The following POU6F2 variants were observed in gnomAD, a reference collection of about 807,000 sequenced individuals.
The protein encoded by POU6F2 is POU domain, class 6, transcription factor 2.
POU6F2 carries 31 observed loss-of-function variants against 71.3 expected under a neutral mutation model. The observed-to-expected ratio is 0.43, with a 90% CI of 0.33 to 0.59. The LOEUF (loss-of-function observed/expected upper bound fraction) is 0.59, where lower values mean the gene tolerates loss of function less well. Ranked by LOEUF, POU6F2 falls within the 20% of genes least tolerant of loss-of-function variation. The pLI, the probability that POU6F2 is intolerant of heterozygous loss-of-function variation, is 0.04. For missense variants in POU6F2, 783 were observed against 856.8 expected, an observed-to-expected ratio of 0.91 and a Z score of 1.07; for synonymous variants, 347 against 355.7, an observed-to-expected ratio of 0.98 and a Z score of 0.27.
intron 1 of POU6F2, among the ~76,000 whole-genome samples, chr7:39,029,493 AG>A (rs967051420): frequency 1.9e-3 from 173 of 89,644 alleles, no homozygotes; most frequent in Middle Eastern, 5.8e-3. Context: ...CATTTCTGGG[AG>A]GGGGGGGTGG....
chr7:39,231,285 G>A (rs1192798216), intron 4 of POU6F2, among the ~76,000 whole-genome samples: 1 of 152,116 alleles, frequency 6.6e-6, no homozygotes, highest in Non-Finnish European at 1.5e-5. Flanking sequence ...AATTATTTCA[G>A]TATTCTTCAC....
intron 5 of POU6F2, among the ~76,000 whole-genome samples, chr7:39,366,914 G>A (rs1435449661): frequency 1.3e-5 from 2 of 152,078 alleles, no homozygotes; most frequent in African/African-American, 4.8e-5. Context: ...AGATGTCAGG[G>A]CTTACTTCCG....
intron 4 of POU6F2, among the ~76,000 whole-genome samples, chr7:39,302,707 A>G (rs1434847665): frequency 6.6e-6 from 1 of 152,266 alleles, no homozygotes; most frequent in Non-Finnish European, 1.5e-5. Context: ...ATTACTTCTT[A>G]GATAAGCAAT....
chr7:39,354,027 G>A (rs1336190860), intron 5 of POU6F2, among the ~76,000 whole-genome samples: 1 of 152,014 alleles, frequency 6.6e-6, no homozygotes, highest in Non-Finnish European at 1.5e-5. Context: ...ACACCCGCCC[G>A]CTCCAGGCGG....
At chr7:39,245,114 A>G (rs934142990) in intron 4 of POU6F2, among the ~76,000 whole-genome samples, 2 of 152,210 alleles carry the variant, frequency 1.3e-5, no homozygotes, top group Non-Finnish European at 1.5e-5. Context: ...TGAGTGAGTT[A>G]CCATCAAGCA....
At chr7:39,070,258 T>C (rs1790849492) in intron 1 of POU6F2, among the ~76,000 whole-genome samples, 1 of 152,222 alleles carries the variant, frequency 6.6e-6, no homozygotes, top group African/African-American at 2.4e-5. Context: ...ATATGGGTTA[T>C]TGAATTTTTT....
At chr7:39,259,575 T>C (rs1393102513) in intron 4 of POU6F2, among the ~76,000 whole-genome samples, 1 of 152,150 alleles carries the variant, frequency 6.6e-6, no homozygotes, top group East Asian at 1.9e-4. Context: ...AGGGCCGTGT[T>C]GCCCTCCTGG....
At position 39,460,689 on chromosome 7, in the gene POU6F2, C is replaced by T. The variant is rs774680072; in HGVS notation, c.1632C>T (p.Pro544=). The T allele has an allele frequency of 3.2e-5, 52 of 1,605,140 alleles. No individual in the cohort carries two copies. The East Asian group carries it at 3.8e-4, about 12-fold the overall frequency. ...AGGCTCTCAGTGCTACAGAGGGCCC[C>T]GCGTACAGCCAGTCGGCCATCTGCA... ...VGQALSATEG[P]AYSQSAICRH... The change falls in exon 9 of 10, where the codon CCC becomes CCT. Residue 544 remains proline (P), a synonymous_variant. Transcript: ENST00000518318. The surrounding 1 kb of genome is among the most constrained non-coding windows in gnomAD (Gnocchi z 4.4).
At chr7:39,035,847 C>T (rs1202092532) in intron 1 of POU6F2, among the ~76,000 whole-genome samples, 1 of 152,040 alleles carries the variant, frequency 6.6e-6, no homozygotes, top group African/African-American at 2.4e-5. Context: ...TTGAAATCAC[C>T]AGTGACCCGT....
Position 39,390,920 on chromosome 7 carries a change from G to A in POU6F2, c.973-15680G>A, listed in dbSNP as rs558952661. Among the ~76,000 whole-genome samples the A allele has an allele frequency of 3.5e-3, 537 of 151,988 alleles. 4 individuals carry two copies. The highest frequency in any genetic ancestry group is 5.2e-3 in the Admixed American group (80 of 15,280). ...CCTGACATGCATTATAAATCACCAA[G>A]AGGTAGATGCTTCATGCAGTGTTCC... On this transcript the variant is annotated intron_variant, in intron 5 of 9. Coordinates refer to ENST00000518318, the MANE Select transcript of POU6F2 (RefSeq NM_001370959.1).
intron 5 of POU6F2, among the ~76,000 whole-genome samples, chr7:39,382,238 A>G (rs1786843521): frequency 1.3e-5 from 2 of 152,196 alleles, no homozygotes; most frequent in Admixed American, 6.5e-5. Flanking sequence ...AGACCCAAGG[A>G]CACCTGAGAC....
At chr7:39,399,849 C>G (rs1583574633) in intron 5 of POU6F2, among the ~76,000 whole-genome samples, 1 of 135,606 alleles carries the variant, frequency 7.4e-6, no homozygotes, top group Non-Finnish European at 1.6e-5. Context: ...GACCCTGTCT[C>G]AAGAATGTAA....
chr7:39,107,021 T>G (rs1237687388), intron 2 of POU6F2, among the ~76,000 whole-genome samples: 3 of 151,474 alleles, frequency 2.0e-5, no homozygotes, highest in South Asian at 4.2e-4. Context: ...AATCCACCTT[T>G]TTTCTTTTTC....
At chr7:39,257,080 A>G (rs906194178) in intron 4 of POU6F2, among the ~76,000 whole-genome samples, 2 of 152,156 alleles carry the variant, frequency 1.3e-5, no homozygotes, top group Admixed American at 1.3e-4. Context: ...CAACCCTCTC[A>G]ATGGAAGGTT....
At chr7:39,349,399 G>A (rs1026079669) in intron 5 of POU6F2, among the ~76,000 whole-genome samples, 10 of 152,008 alleles carry the variant, frequency 6.6e-5, no homozygotes, top group Admixed American at 2.0e-4. Context: ...TGAGAATCAC[G>A]GCCAGGGTGC....
chr7:39,429,444 C>T (rs1788045648), intron 6 of POU6F2, among the ~76,000 whole-genome samples: 2 of 152,170 alleles, frequency 1.3e-5, no homozygotes, highest in Admixed American at 6.5e-5. Flanking sequence ...CTTGCTAACT[C>T]ATTTGGTGCT....
intron 2 of POU6F2, among the ~76,000 whole-genome samples, chr7:39,197,373 G>C (rs1352346229): frequency 1.3e-5 from 2 of 152,266 alleles, no homozygotes; most frequent in Non-Finnish European, 2.9e-5. Flanking sequence ...CGATAGGTTG[G>C]GGTGGTGCCT....
intron 5 of POU6F2, among the ~76,000 whole-genome samples, chr7:39,400,590 G>A (rs554922691): frequency 4.5e-4 from 69 of 152,296 alleles, no homozygotes; most frequent in African/African-American, 1.5e-3. Flanking sequence ...CCCATAGGGT[G>A]GGACAACGCT....
chr7:39,255,547 C>T (rs1420334775), intron 4 of POU6F2, among the ~76,000 whole-genome samples: 5 of 152,156 alleles, frequency 3.3e-5, no homozygotes, highest in African/African-American at 1.2e-4. Flanking sequence ...TAAATGACTG[C>T]AGTCTTAATA....
Sources: gnomAD v4.1 joint callset for allele counts (sites outside exome capture counted in the v4.1 genomes callset) on GRCh38, gnomAD v4.1.1 for gene constraint, Gnocchi (gnomAD v3.1) non-coding constraint, MANE v1.5 for transcripts, NCBI Gene and HGNC (gene_info 2026-07-23, HGNC 2026-07-21) for gene names.